The following RASA2 variants were observed in gnomAD, a reference collection of about 807,000 sequenced individuals.
RASA2 encodes the protein RAS p21 protein activator 2.
Under a neutral mutation model 118.2 loss-of-function variants are expected in RASA2, and 155 were observed. The ratio of observed to expected loss-of-function variants is 1.31; its 90% CI spans 1.15 to 1.50. The LOEUF is 1.50. Ranked by LOEUF, RASA2 falls within the 40% of genes most tolerant of loss-of-function variation. The probability of loss-of-function intolerance (pLI) is 0.00; values close to 1 mark genes in which losing one functional copy is unlikely to be tolerated. For synonymous variants in RASA2, 353 were observed against 349.1 expected, an observed-to-expected ratio of 1.01 and a Z score of -0.12; for missense variants, 1,016 against 1,009.6, an observed-to-expected ratio of 1.01 and a Z score of -0.09.
intron 1 of RASA2, among the ~76,000 whole-genome samples, chr3:141,492,721 T>C (rs189715709): frequency 2.0e-5 from 3 of 152,258 alleles, no homozygotes; most frequent in Non-Finnish European, 4.4e-5. Flanking sequence ...AGTGTTTAAA[T>C]GTATTTAGTA....
rs2081861265 is a variant in RASA2 at position 141,506,033 on chromosome 3, ATTCTG to A, written c.134-6127_134-6123del. 2.0e-5 allele frequency among the ~76,000 whole-genome samples: 3 copies of A among 152,236 alleles called. No individual in the cohort carries two copies. In the South Asian group the frequency reaches 6.2e-4, roughly 32 times the overall value. ...GAGAAGAAATGCACAATGGAGGATT[ATTCTG>A]TTTGTCTTTGAAAATCCACCCTTTA... On this transcript the variant is annotated intron_variant, in intron 1 of 23. Coordinates refer to ENST00000286364, the MANE Select transcript of RASA2 (RefSeq NM_006506.5).
intron 15 of RASA2, among the ~76,000 whole-genome samples, chr3:141,577,405 T>C (rs895604281): frequency 3.3e-5 from 5 of 152,180 alleles, no homozygotes; most frequent in Non-Finnish European, 7.4e-5. Flanking sequence ...TTTGTAAATT[T>C]CCATAAGTTT....
chr3:141,584,547 G>T (rs1044753969), intron 17 of RASA2, among the ~76,000 whole-genome samples: 1 of 152,032 alleles, frequency 6.6e-6, no homozygotes, highest in East Asian at 1.9e-4. Flanking sequence ...ATTAGATTTC[G>T]ATTATCCCAG....
At chr3:141,562,055 T>C (rs113480361) in intron 9 of RASA2, among the ~76,000 whole-genome samples, 4,696 of 151,742 alleles carry the variant, frequency 0.031, 235 homozygotes, top group African/African-American at 0.1. Context: ...CGGGTTCAAG[T>C]GATTCTCCTG....
At chr3:141,543,881 T>C (rs1222651679) in intron 5 of RASA2, among the ~76,000 whole-genome samples, 2 of 131,610 alleles carry the variant, frequency 1.5e-5, no homozygotes, top group Non-Finnish European at 3.0e-5. Flanking sequence ...TTTTTCTTTT[T>C]TTTTTTTTTT....
chr3:141,597,321 A>C (rs2083389103), intron 19 of RASA2, among the ~76,000 whole-genome samples: 1 of 152,232 alleles, frequency 6.6e-6, no homozygotes, highest in Admixed American at 6.5e-5. Context: ...ACCTCAAAAA[A>C]TTACGCTAAG....
intron 3 of RASA2, among the ~76,000 whole-genome samples, chr3:141,527,732 G>A (rs1164510070): frequency 6.6e-6 from 1 of 151,956 alleles, no homozygotes; most frequent in Non-Finnish European, 1.5e-5. Flanking sequence ...CATATCCAGA[G>A]ATTTGGATGA....
At chr3:141,540,481 T>C in intron 4 of RASA2, 52 bp from the exon 5 acceptor site, 1 of 1,445,242 alleles carries the variant, frequency 6.9e-7, no homozygotes, top group Non-Finnish European at 9.7e-7. Context: ...ATACCTTTAA[T>C]ATTTTGTCAG....
intron 4 of RASA2, among the ~76,000 whole-genome samples, chr3:141,531,852 A>C (rs2082265545): frequency 6.6e-6 from 1 of 152,070 alleles, no homozygotes; most frequent in Non-Finnish European, 1.5e-5. Context: ...ACTGCTGATA[A>C]GGGAATACTA....
intron 4 of RASA2, 30 bp downstream of exon 4, chr3:141,529,832 G>A (rs1174244502): frequency 6.7e-7 from 1 of 1,488,428 alleles, no homozygotes; most frequent in Non-Finnish European, 9.3e-7. Flanking sequence ...TAATACAAGA[G>A]ATTGTCACAG....
At chr3:141,557,623 T>C (rs2082669497) in intron 7 of RASA2, among the ~76,000 whole-genome samples, 1 of 152,060 alleles carries the variant, frequency 6.6e-6, no homozygotes, top group Non-Finnish European at 1.5e-5. Context: ...AAAACAGTGT[T>C]TGGGAAGGAA....
intron 9 of RASA2, among the ~76,000 whole-genome samples, chr3:141,567,304 T>C (rs1405150861): frequency 2.6e-5 from 4 of 151,822 alleles, no homozygotes; most frequent in Non-Finnish European, 5.9e-5. Context: ...TAGTCCCAGC[T>C]ACTCGGGAGG....
chr3:141,531,402 G>GTGTGTGTGTATATATA (rs1278910221), intron 4 of RASA2, among the ~76,000 whole-genome samples: 8 of 151,474 alleles, frequency 5.3e-5, no homozygotes, highest in African/African-American at 1.9e-4. Flanking sequence ...ATTTGATGGT[G>GTGTGTGTGTATATATA]TGTGTGTGTA....
intron 15 of RASA2, chr3:141,579,447 C>T (rs988076924): frequency 6.6e-6 from 1 of 152,116 alleles, no homozygotes; most frequent in African/African-American, 2.4e-5. Context: ...ATAGACAGGC[C>T]TGAAAAACCT....
At chr3:141,524,752 G>A (rs947119303) in intron 3 of RASA2, among the ~76,000 whole-genome samples, 3 of 151,938 alleles carry the variant, frequency 2.0e-5, no homozygotes, top group South Asian at 4.2e-4. Flanking sequence ...TGCCACGCTC[G>A]GCTAATTTTT....
intron 23 of RASA2, 116 bp from the exon 24 acceptor site, chr3:141,612,167 T>G: frequency 1.3e-6 from 1 of 766,782 alleles, no homozygotes. Flanking sequence ...TGAAACAACA[T>G]TTGGCATGAG....
chr3:141,595,199 A>G lies in RASA2; in HGVS notation c.1933+8447A>G, dbSNP rs1485387971. 5.9e-5 allele frequency among the ~76,000 whole-genome samples: 9 copies of G among 152,368 alleles called. No individual in the cohort carries two copies. The South Asian group carries it at 1.7e-3, about 28-fold the overall frequency. ...GTGAGGAAGGGAAGAACAGAGGAGC[A>G]AAAATCAGATGAGACAGACAGAAAA... is the stretch of plus-strand genomic sequence containing the variant. On this transcript the variant is annotated intron_variant, in intron 19 of 23. Coordinates refer to ENST00000286364, the MANE Select transcript of RASA2 (RefSeq NM_006506.5).
intron 1 of RASA2, among the ~76,000 whole-genome samples, chr3:141,497,051 A>C (rs1420731636): frequency 6.6e-6 from 1 of 152,022 alleles, no homozygotes; most frequent in Non-Finnish European, 1.5e-5. Flanking sequence ...CATTCTCAGC[A>C]AACTATCACA....
chr3:141,556,741 CCTTTT>C (rs1200390151), intron 7 of RASA2, among the ~76,000 whole-genome samples: 36 of 151,026 alleles, frequency 2.4e-4, no homozygotes, highest in Admixed American at 1.8e-3. Context: ...ACATTTTGTG[CCTTTT>C]CTTCTGTGTG....
Sources: allele counts gnomAD v4.1 joint callset (sites outside exome capture counted in the v4.1 genomes callset), GRCh38; gene constraint gnomAD v4.1.1; transcripts MANE v1.5; gene names NCBI Gene and HGNC (gene_info 2026-07-23, HGNC 2026-07-21).